The following GTPBP4 variants were observed in gnomAD, a reference collection of about 807,000 sequenced individuals.
GTPBP4 encodes the protein GTP binding protein 4.
In GTPBP4, 15 loss-of-function variants were observed where a neutral mutation model predicts 81.7. The ratio of observed to expected loss-of-function variants is 0.18; its 90% CI spans 0.12 to 0.28. The LOEUF (loss-of-function observed/expected upper bound fraction) is 0.28. Ranked by LOEUF, GTPBP4 falls within the 10% of genes least tolerant of loss-of-function variation. The pLI, the probability that GTPBP4 is intolerant of heterozygous loss-of-function variation, is 1.00. For synonymous variants in GTPBP4, 272 were observed against 274.6 expected (o/e 0.99, Z 0.09); for missense variants, 847 against 793.8 (o/e 1.07, Z -0.81).
rs1396138187 is a variant in GTPBP4 at position 1,012,447 on chromosome 10, A to G, written c.1345-18A>G. ...TTCTCATTGTTAATTTTGCTTCATTACAACTCCATTTTTAAAGAAATTGGA... is the reference window on the plus strand; with the variant it reads ...TTCTCATTGTTAATTTTGCTTCATTGCAACTCCATTTTTAAAGAAATTGGA... On this transcript the variant is annotated intron_variant, in intron 13 of 16. Coordinates refer to ENST00000360803, the MANE Select transcript of GTPBP4 (RefSeq NM_012341.3). The G allele has an allele frequency of 6.4e-7, 1 of 1,573,524 alleles. No individual in the cohort carries two copies. The highest frequency in any genetic ancestry group is 8.7e-7 in the Non-Finnish European group (1 of 1,152,988).
chr10:1,012,695 T>C (rs984570862), intron 14 of GTPBP4, 33 bp downstream of exon 14: 4 of 1,523,112 alleles, frequency 2.6e-6, no homozygotes, highest in Non-Finnish European at 3.6e-6. Flanking sequence ...CAGTGTGATC[T>C]AGTTTTTGAA....
chr10:996,197 A>G lies in GTPBP4; in HGVS notation c.415A>G (p.Thr139Ala). 1 of 1,614,032 alleles carries G rather than the reference A, an allele frequency of 6.2e-7. No homozygotes were observed. Among genetic ancestry groups the G allele is most frequent in the Admixed American group, 1.7e-5 (1 of 59,996 alleles). The part of the protein sequence containing the change: ...LKRAALGRMC[T>A]VIKRQKQSLE... ...GCGTGCGGCCCTGGGACGGATGTGCACAGTGATCAAGAGGCAGAAGCAGAG... is the reference window on the plus strand; with the variant it reads ...GCGTGCGGCCCTGGGACGGATGTGCGCAGTGATCAAGAGGCAGAAGCAGAG... Residue 139 changes from threonine (T) to alanine (A), a missense_variant, in exon 4 of 17, where the codon ACA becomes GCA. By Grantham distance (58) the Thr-to-Ala change is moderately conservative. Coordinates refer to ENST00000360803, the MANE Select transcript of GTPBP4 (RefSeq NM_012341.3).
chr10:1,005,691 T>G lies in GTPBP4; in HGVS notation c.913-127T>G, dbSNP rs532115672. The G allele has an allele frequency of 2.9e-5, 19 of 645,092 alleles. No individual in the cohort carries two copies. The Admixed American group carries it at 3.9e-4, about 13-fold the overall frequency. The allele number at this position is 645,092 out of a possible 1,614,324, so 40.0% of individuals were successfully genotyped here. A position where few individuals can be genotyped will look rare whatever the true frequency, so the allele number is the denominator to read the frequency against. ...AATAACTGTTTTTAGGATATGTCTGTTTTTTAAGACTTTGAAACAACCACA... is the reference window on the plus strand; with the variant it reads ...AATAACTGTTTTTAGGATATGTCTGGTTTTTAAGACTTTGAAACAACCACA... On this transcript the variant is annotated intron_variant, in intron 8 of 16. Coordinates refer to ENST00000360803, the MANE Select transcript of GTPBP4 (RefSeq NM_012341.3).
intron 1 of GTPBP4, 186 bp downstream of exon 1, chr10:988,713 C>A: frequency 1.7e-6 from 1 of 599,566 alleles, no homozygotes; most frequent in Non-Finnish European, 3.0e-6. Flanking sequence ...CCGGGGTCCA[C>A]CAGAGATCGG....
intron 8 of GTPBP4, among the ~76,000 whole-genome samples, chr10:1,004,736 A>G (rs1410211063): frequency 1.3e-5 from 2 of 152,132 alleles, no homozygotes; most frequent in Non-Finnish European, 2.9e-5. Flanking sequence ...CACCTCCACC[A>G]AGCCCTGCTG....
chr10:996,020 A>G lies in GTPBP4; in HGVS notation c.311A>G (p.Asn104Ser). Reference sequence around the variant, plus strand: ...CTGGGGCAAATAAATATTGCCAAAAATTTAGTGGACAAGTAAGGTACTTTT... The same window carrying G: ...CTGGGGCAAATAAATATTGCCAAAAGTTTAGTGGACAAGTAAGGTACTTTT... ...LALGQINIAK[N>S]LVDNVAKDYV... Residue 104 changes from asparagine (N) to serine (S), a missense_variant, in exon 3 of 17, where the codon AAT becomes AGT. Physicochemically the swap from Asn to Ser is conservative, Grantham distance 46 (BLOSUM62 1). Around this residue, in one of 3 missense-constraint regions of GTPBP4, gnomAD observed 241 missense variants for 216.3 expected, o/e 1.11. Transcript: ENST00000360803. 1 of 1,605,802 alleles carries G rather than the reference A, an allele frequency of 6.2e-7. No homozygotes were observed.
At position 997,124 on chromosome 10, in the gene GTPBP4, T is replaced by C. The variant is rs528741237; in HGVS notation, c.461-84T>C. On this transcript the variant is annotated intron_variant, in intron 4 of 16. Transcript: ENST00000360803. ...AGTAAGATGAATATCACCATAGGCC[T>C]GGACTGTAACTAAGTTGAAAAGAAA... 2.0e-4 allele frequency: 167 copies of C among 842,866 alleles called. 2 individuals carry two copies. The African/African-American group carries it at 2.4e-3, about 12-fold the overall frequency. 52.2% of individuals were successfully genotyped at this position (842,866 alleles called of 1,614,324 possible).
chr10:1,012,419 G>T, intron 13 of GTPBP4, 46 bp from the exon 14 acceptor site: 1 of 1,338,588 alleles, frequency 7.5e-7, no homozygotes, highest in Non-Finnish European at 1.1e-6. Context: ...TGACTCAGGG[G>T]TTTTCTCATT....
At chr10:1,014,123 A>T in intron 14 of GTPBP4, 124 bp from the exon 15 acceptor site, 1 of 584,156 alleles carries the variant, frequency 1.7e-6, no homozygotes, top group Non-Finnish European at 3.1e-6. Flanking sequence ...AATAAAAATT[A>T]CAACTTCTAA....
chr10:1,012,609 G>A lies in GTPBP4; in HGVS notation c.1489G>A (p.Glu497Lys), dbSNP rs1022854247. ...IREKKKLKIL[E>K]SKEKNTQGPR... ...AGAGAAAAAGAAGTTGAAAATTCTG[G>A]AGTCCAAAGAAAAGAATACACAGGG... The change falls in exon 14 of 17, where the codon GAG (glutamate) becomes AAG (lysine). Residue 497 changes from glutamate (E) to lysine (K), a missense_variant. Coordinates refer to ENST00000360803, the MANE Select transcript of GTPBP4 (RefSeq NM_012341.3). The A allele has an allele frequency of 6.2e-7, 1 of 1,614,006 alleles. No homozygotes were observed. The highest frequency in any genetic ancestry group is 8.5e-7 in the Non-Finnish European group (1 of 1,179,960).
chr10:1,005,906 A>T lies in GTPBP4; in HGVS notation c.1001A>T (p.Glu334Val). The part of the protein sequence containing the change: ...TEEGVIKVKT[E>V]ACDRLLAHRV... ...GAAGGTGTTATTAAAGTTAAAACAG[A>T]GGTCAGTGCTGCCTTAAGTCAGGTA... The change falls in exon 9 of 17, where the codon GAG becomes GTG. Residue 334 changes from glutamate to valine, a missense_variant and splice_region_variant. Coordinates refer to ENST00000360803, the MANE Select transcript of GTPBP4 (RefSeq NM_012341.3). The T allele has an allele frequency of 6.6e-7, 1 of 1,515,956 alleles. No homozygotes were observed. Among genetic ancestry groups the T allele is most frequent in the Non-Finnish European group, 9.1e-7 (1 of 1,102,922 alleles). The allele number at this position is 1,515,956 out of a possible 1,614,324, so 93.9% of individuals were successfully genotyped here.
At chr10:998,472 A>G (rs1831570914) in intron 5 of GTPBP4, among the ~76,000 whole-genome samples, 1 of 152,224 alleles carries the variant, frequency 6.6e-6, no homozygotes, top group Non-Finnish European at 1.5e-5. Flanking sequence ...CATGGTGACC[A>G]GCAAAGCTCT....
At position 992,675 on chromosome 10, in the gene GTPBP4, G is replaced by A. The variant is rs759037122; in HGVS notation, c.219+16G>A. ...CAAATTGGATGTAAGTGACTTAGGG[G>A]ACTTCTGTGGTTATGTAAATACGGG... On this transcript the variant is annotated intron_variant, in intron 2 of 16. Coordinates refer to ENST00000360803, the MANE Select transcript of GTPBP4 (RefSeq NM_012341.3). 1 of 1,532,442 alleles carries A rather than the reference G, an allele frequency of 6.5e-7. No homozygotes were observed. Among genetic ancestry groups the A allele is most frequent in the Non-Finnish European group, 9.0e-7 (1 of 1,110,740 alleles). The allele number at this position is 1,532,442 out of a possible 1,614,324, so 94.9% of individuals were successfully genotyped here. A position where few individuals can be genotyped will look rare whatever the true frequency, so the allele number is the denominator to read the frequency against.
intron 2 of GTPBP4, among the ~76,000 whole-genome samples, chr10:992,961 A>G (rs1831471873): frequency 2.0e-5 from 3 of 152,286 alleles, no homozygotes; most frequent in East Asian, 1.9e-4. Context: ...CCAAGTGTTA[A>G]TGATAGCTGT....
intron 5 of GTPBP4, among the ~76,000 whole-genome samples, chr10:998,074 T>C (rs1182350759): frequency 6.6e-6 from 1 of 152,098 alleles, no homozygotes; most frequent in Non-Finnish European, 1.5e-5. Flanking sequence ...TATTTTTAAT[T>C]AAAAAAATTT....
At chr10:996,076 G>A in intron 3 of GTPBP4, 30 bp from the exon 4 acceptor site, 1 of 1,419,844 alleles carries the variant, frequency 7.0e-7, no homozygotes, top group Non-Finnish European at 9.3e-7. Context: ...TATCGAAAGT[G>A]GAAAAAATAA....
intron 12 of GTPBP4, 59 bp from the exon 13 acceptor site, chr10:1,010,361 G>A (rs887382557): frequency 1.1e-5 from 9 of 818,916 alleles, no homozygotes; most frequent in Non-Finnish European, 1.9e-5. Flanking sequence ...TTTTGCGCAC[G>A]TAGTACTTGA....
rs1324423625 is a variant in GTPBP4, at chr10:1,012,673, G to A, written c.1542+11G>A. The A allele has an allele frequency of 1.1e-5, 17 of 1,601,618 alleles. 1 individual carries two copies. Among genetic ancestry groups the A allele is most frequent in the Admixed American group, 1.7e-5 (1 of 59,244 alleles). ...CGAACTGCTAAGAAGGCAAGTTTGT[G>A]TCTTTCCAAAGCAGTGTGATCTAGT... On this transcript the variant is annotated intron_variant, in intron 14 of 16. Transcript: ENST00000360803.
At chr10:1,000,338 C>T (rs1023982757) in intron 6 of GTPBP4, among the ~76,000 whole-genome samples, 2 of 149,268 alleles carry the variant, frequency 1.3e-5, no homozygotes, top group Non-Finnish European at 3.0e-5. Flanking sequence ...CCCTGGTTCA[C>T]GCCATTCTCC....
Sources: allele counts gnomAD v4.1 joint callset (sites outside exome capture counted in the v4.1 genomes callset), GRCh38; gene constraint gnomAD v4.1.1; regional missense constraint gnomAD v4.1.1; transcripts MANE v1.5; gene names NCBI Gene and HGNC (gene_info 2026-07-23, HGNC 2026-07-21).